The following TMEM273 variants were observed in gnomAD, a reference collection of about 807,000 sequenced individuals.
The protein encoded by TMEM273 is chromosome 10 open reading frame 128.
In TMEM273, 19 loss-of-function variants were observed where a neutral mutation model predicts 17.9. That is an observed-to-expected ratio of 1.06 (90% confidence interval 0.74 to 1.55). TMEM273 has a LOEUF of 1.55. Among genes scored for constraint, TMEM273 ranks in the 40% most tolerant of loss-of-function variants. The pLI, the probability that TMEM273 is intolerant of heterozygous loss-of-function variation, is 0.00. For synonymous variants in TMEM273, 66 were observed against 62.0 expected (o/e 1.07, Z -0.31); for missense variants, 194 against 155.6 (o/e 1.25, Z -1.31).
Position 49,188,366 on chromosome 10 carries a change from C to T in TMEM273, c.-30G>A, listed in dbSNP as rs779025187. 7.4e-6 allele frequency: 12 copies of T among 1,614,072 alleles called. No homozygotes were observed. Among genetic ancestry groups the T allele is most frequent in the Middle Eastern group, 1.7e-4 (1 of 6,056 alleles). Reference sequence around the variant, plus strand: ...GCGCTCTGCTCTTGGCTCCTGGCTCCTGGCTGCTGGCAGCGCAGGCACAAT... The same window carrying T: ...GCGCTCTGCTCTTGGCTCCTGGCTCTTGGCTGCTGGCAGCGCAGGCACAAT... On this transcript the variant is annotated 5_prime_UTR_variant, in exon 1 of 7. Coordinates refer to ENST00000374153, the MANE Select transcript of TMEM273 (RefSeq NM_001288740.3).
At chr10:49,156,207 G>T in intron 6 of TMEM273, 1 of 1,433,682 alleles carries the variant, frequency 7.0e-7, no homozygotes, top group Non-Finnish European at 9.3e-7. Flanking sequence ...GGCATATTTT[G>T]GGAAACTTTT....
In TMEM273 at chr10:49,162,920, C is replaced by T. The variant is rs565977796; in HGVS notation, c.349-1298G>A. 2.6e-5 allele frequency among the ~76,000 whole-genome samples: 4 copies of T among 152,360 alleles called. No individual in the cohort carries two copies. The East Asian group carries it at 7.7e-4, about 29-fold the overall frequency. ...CCTCCAAGAGCCCTGTGTGAAAACC[C>T]TTATAATGGCCAGTCCACCCTGATT... On this transcript the variant is annotated intron_variant, in intron 5 of 6. Coordinates refer to ENST00000374153, the MANE Select transcript of TMEM273 (RefSeq NM_001288740.3).
chr10:49,165,469 G>C (rs1398451415), intron 4 of TMEM273, 186 bp from the exon 5 acceptor site: 1 of 1,466,932 alleles, frequency 6.8e-7, no homozygotes, highest in Non-Finnish European at 9.0e-7. Flanking sequence ...CATTCTGAAA[G>C]TCAGGGGTAT....
chr10:49,164,524 T>A (rs1846042150), intron 5 of TMEM273, among the ~76,000 whole-genome samples: 1 of 152,116 alleles, frequency 6.6e-6, no homozygotes, highest in Admixed American at 6.5e-5. Context: ...TGACCAGAAG[T>A]TTCAGGACAG....
At chr10:49,165,918 G>A (rs1431683740) in intron 3 of TMEM273, 122 bp from the exon 4 acceptor site, 14 of 1,250,256 alleles carry the variant, frequency 1.1e-5, no homozygotes, top group South Asian at 1.3e-5. Flanking sequence ...GAGAGACCCG[G>A]GGCCTGGCTG....
chr10:49,168,702 G>GA (rs1846357631), intron 1 of TMEM273, among the ~76,000 whole-genome samples: 4 of 117,308 alleles, frequency 3.4e-5, no homozygotes, highest in Non-Finnish European at 5.2e-5. Flanking sequence ...GGGAGGGAGG[G>GA]AGGGAGGGAG....
chr10:49,157,568 C>T (rs974871490), intron 6 of TMEM273, among the ~76,000 whole-genome samples: 1 of 152,086 alleles, frequency 6.6e-6, no homozygotes, highest in Non-Finnish European at 1.5e-5. Flanking sequence ...CTGGTTAGCC[C>T]CAGGGTTCAT....
chr10:49,157,790 T>C (rs117578355), intron 6 of TMEM273, among the ~76,000 whole-genome samples: 1 of 152,232 alleles, frequency 6.6e-6, no homozygotes, highest in African/African-American at 2.4e-5. Context: ...GCATGTTGTA[T>C]GCACACTTTT....
intron 1 of TMEM273, among the ~76,000 whole-genome samples, chr10:49,175,714 C>A (rs747123579): frequency 2.0e-5 from 3 of 152,162 alleles, no homozygotes; most frequent in South Asian, 2.1e-4. Context: ...GGGGCAGGGC[C>A]CCCCCCACCT....
rs369092255 is a variant in TMEM273 at position 49,166,990 on chromosome 10, G to A, written c.117C>T (p.Ile39=). 16 of 1,614,044 alleles carry A rather than the reference G, an allele frequency of 9.9e-6. No homozygotes were observed. Among genetic ancestry groups the A allele is most frequent in the East Asian group, 8.9e-5 (4 of 44,886 alleles). ...GAEIDFKYAL[I]GTAVGVAISA... is the part of the protein sequence containing the mutation. Reference sequence around the variant, plus strand: ...ATATGGCGACACCCACAGCAGTCCCGATGAGGGCGTACTTGAAATCTGAAA... The same window carrying A: ...ATATGGCGACACCCACAGCAGTCCCAATGAGGGCGTACTTGAAATCTGAAA... Residue 39 remains isoleucine (I), a synonymous_variant, in exon 3 of 7, where the codon ATC becomes ATT. Transcript: ENST00000374153.
intron 6 of TMEM273, among the ~76,000 whole-genome samples, chr10:49,159,510 C>A (rs192490759): frequency 9.6e-4 from 146 of 152,210 alleles, no homozygotes; most frequent in African/African-American, 3.1e-3. Context: ...TTGGAGAAGG[C>A]AATCTAGACA....
At chr10:49,163,080 C>T (rs940906808) in intron 5 of TMEM273, among the ~76,000 whole-genome samples, 1 of 152,124 alleles carries the variant, frequency 6.6e-6, no homozygotes, top group African/African-American at 2.4e-5. Flanking sequence ...TTGTGCCAAC[C>T]CCCCTAGGGC....
chr10:49,166,657 TAGAG>T (rs1228130575), intron 3 of TMEM273: 2 of 637,012 alleles, frequency 3.1e-6, no homozygotes, highest in African/African-American at 3.7e-5. Context: ...GGAACACAAA[TAGAG>T]AGACAGAGAG....
chr10:49,160,933 T>A (rs1301692638), intron 6 of TMEM273: 1 of 152,238 alleles, frequency 6.6e-6, no homozygotes, highest in Admixed American at 6.5e-5. Flanking sequence ...CAGGCCTGTG[T>A]GACCATCCTG....
intron 5 of TMEM273, among the ~76,000 whole-genome samples, chr10:49,164,789 C>G (rs961433911): frequency 6.6e-6 from 1 of 152,104 alleles, no homozygotes; most frequent in East Asian, 1.9e-4. Flanking sequence ...GCCCTCTGCA[C>G]CCCCAAGACA....
At chr10:49,165,695 C>G in intron 4 of TMEM273, 71 bp downstream of exon 4, 2 of 1,593,976 alleles carry the variant, frequency 1.3e-6, no homozygotes, top group Non-Finnish European at 1.7e-6. Flanking sequence ...GGATGACAGG[C>G]AAGGGAGTGG....
intron 1 of TMEM273, among the ~76,000 whole-genome samples, chr10:49,183,248 T>C (rs1281660119): frequency 6.6e-6 from 1 of 152,146 alleles, no homozygotes; most frequent in African/African-American, 2.4e-5. Context: ...AGTTGATGAT[T>C]GTACTGTGGT....
At chr10:49,164,164 C>CA (rs1353772020) in intron 5 of TMEM273, among the ~76,000 whole-genome samples, 1 of 152,056 alleles carries the variant, frequency 6.6e-6, no homozygotes, top group East Asian at 1.9e-4. Context: ...TCACCATGTT[C>CA]AAAAAAATAT....
chr10:49,173,240 G>C (rs1266901828), intron 1 of TMEM273, among the ~76,000 whole-genome samples: 2 of 152,216 alleles, frequency 1.3e-5, no homozygotes, highest in Non-Finnish European at 2.9e-5. Context: ...TAAGGAAATA[G>C]CTTCTTTTTC....
Sources: gnomAD v4.1 joint callset for allele counts (sites outside exome capture counted in the v4.1 genomes callset) on GRCh38, gnomAD v4.1.1 for gene constraint, MANE v1.5 for transcripts, NCBI Gene and HGNC (gene_info 2026-07-23, HGNC 2026-07-21) for gene names.